The following USP8 variants were observed in gnomAD, a reference collection of about 807,000 sequenced individuals.
USP8 encodes the protein ubiquitin specific peptidase 8, also known as ubiquitin carboxyl-terminal hydrolase 8.
Under a neutral mutation model 130.0 loss-of-function variants are expected in USP8, and 27 were observed. The ratio of observed to expected loss-of-function variants is 0.21; its 90% CI spans 0.15 to 0.29. USP8 has a LOEUF of 0.29. Ranked by LOEUF, USP8 falls within the 10% of genes least tolerant of loss-of-function variation. The probability of loss-of-function intolerance (pLI) is 1.00; values close to 1 mark genes in which losing one functional copy is unlikely to be tolerated. For missense variants in USP8, 1,029 were observed against 1,312.2 expected (o/e 0.78, Z 3.33); for synonymous variants, 392 against 444.1 (o/e 0.88, Z 1.48).
rs921652925 is a variant in USP8 at position 50,501,931 on chromosome 15, A to G, written c.*2843A>G. ...AATGTCCTTAAAGTTTTATGGGAAC[A>G]CAGTCATGCTCATTTGTTTACACTT... On this transcript the variant is annotated 3_prime_UTR_variant, in exon 20 of 20. Transcript: ENST00000307179. 2.0e-5 allele frequency: 3 copies of G among 152,214 alleles called. No individual in the cohort carries two copies. Among genetic ancestry groups the G allele is most frequent in the African/African-American group, 7.2e-5 (3 of 41,460 alleles). 9.4% of individuals were successfully genotyped at this position (152,214 alleles called of 1,614,324 possible).
At chr15:50,455,606 T>C (rs1229535629) in intron 4 of USP8, among the ~76,000 whole-genome samples, 3 of 152,216 alleles carry the variant, frequency 2.0e-5, no homozygotes, top group Non-Finnish European at 4.4e-5. Context: ...CTAGTAACTT[T>C]GGACATTGTG....
chr15:50,491,502 C>T (rs986517434), intron 14 of USP8, among the ~76,000 whole-genome samples: 1 of 152,114 alleles, frequency 6.6e-6, no homozygotes, highest in Non-Finnish European at 1.5e-5. Context: ...GTTTTAAGGA[C>T]TGTATGCTGT....
chr15:50,481,136 T>C (rs908846449), intron 10 of USP8, among the ~76,000 whole-genome samples: 1 of 152,102 alleles, frequency 6.6e-6, no homozygotes, highest in Non-Finnish European at 1.5e-5. Context: ...AATGGAAATA[T>C]TGGGTAGGCA....
chr15:50,436,838 T>A (rs2050106228), intron 1 of USP8, among the ~76,000 whole-genome samples: 1 of 151,988 alleles, frequency 6.6e-6, no homozygotes, highest in South Asian at 2.1e-4. Flanking sequence ...CCTGGCTAAT[T>A]TTTGTATTTT....
rs746090450 is a variant in USP8 at position 50,471,694 on chromosome 15, A to C, written c.748A>C (p.Arg250=). Residue 250 remains arginine, a synonymous_variant, in exon 8 of 20, where the codon AGG becomes CGG. Transcript: ENST00000307179. ...PDDSKDTWKK[R]GNVEYVVLLD... ...TGATTCTAAAGACACATGGAAGAAG[A>C]GGGGGAATGTGGAGTATGTGGTACT... The C allele has an allele frequency of 2.8e-5, 45 of 1,613,930 alleles. No individual in the cohort carries two copies. The highest frequency in any genetic ancestry group is 3.7e-5 in the Non-Finnish European group (44 of 1,179,998).
chr15:50,499,562 C>G lies in USP8; in HGVS notation c.*474C>G, dbSNP rs1057155090. 6.6e-6 allele frequency: 1 copy of G among 151,764 alleles called. No individual in the cohort carries two copies. The highest frequency in any genetic ancestry group is 2.4e-5 in the African/African-American group (1 of 41,250). 9.4% of individuals were successfully genotyped at this position (151,764 alleles called of 1,614,324 possible). A position where few individuals can be genotyped will look rare whatever the true frequency, so the allele number is the denominator to read the frequency against. On this transcript the variant is annotated 3_prime_UTR_variant, in exon 20 of 20. Coordinates refer to ENST00000307179, the MANE Select transcript of USP8 (RefSeq NM_005154.5). ...TTTAACACGTGGTCCTTTTGTGAAACCTAGAACTCAGAGGATTGCTTTTTT... is the reference window on the plus strand; with the variant it reads ...TTTAACACGTGGTCCTTTTGTGAAAGCTAGAACTCAGAGGATTGCTTTTTT...
rs1463511056 is a variant in USP8, at chr15:50,505,635, T to C, written c.*6547T>C. ...ACCCAATATGAACAGTAGAAAACCA[T>C]GATAATGTCTCCTTTGGAGGCATAT... On this transcript the variant is annotated 3_prime_UTR_variant, in exon 20 of 20. Coordinates refer to ENST00000307179, the MANE Select transcript of USP8 (RefSeq NM_005154.5). The C allele has an allele frequency of 6.6e-6, 1 of 152,128 alleles. No individual in the cohort carries two copies. Among genetic ancestry groups the C allele is most frequent in the Non-Finnish European group, 1.5e-5 (1 of 68,048 alleles). The allele number at this position is 152,128 out of a possible 1,614,324, so 9.4% of individuals were successfully genotyped here.
At chr15:50,462,987 C>G (rs1361247343) in intron 6 of USP8, among the ~76,000 whole-genome samples, 2 of 152,088 alleles carry the variant, frequency 1.3e-5, no homozygotes, top group Non-Finnish European at 2.9e-5. Context: ...GTGGCTCATT[C>G]CTGTAATCCC....
At chr15:50,478,945 C>G (rs903199858) in intron 10 of USP8, among the ~76,000 whole-genome samples, 1 of 152,024 alleles carries the variant, frequency 6.6e-6, no homozygotes, top group Non-Finnish European at 1.5e-5. Flanking sequence ...GTCCCAGCTA[C>G]TCAGGAGGCT....
At chr15:50,460,936 C>T (rs950945615) in intron 5 of USP8, among the ~76,000 whole-genome samples, 1 of 151,762 alleles carries the variant, frequency 6.6e-6, no homozygotes, top group African/African-American at 2.4e-5. Context: ...GTGGGCAGGT[C>T]ATTTGAGTCC....
chr15:50,427,561 T>A (rs1472877717), intron 1 of USP8, among the ~76,000 whole-genome samples: 1 of 108,670 alleles, frequency 9.2e-6, no homozygotes, highest in Non-Finnish European at 2.2e-5. Context: ...CGTACTAATT[T>A]TTTTTTTTTT....
chr15:50,456,324 C>T (rs762349074), intron 4 of USP8, among the ~76,000 whole-genome samples: 16 of 152,284 alleles, frequency 1.1e-4, no homozygotes, highest in Middle Eastern at 6.8e-3. Flanking sequence ...GTAATCCCAG[C>T]ACTTTGGGAG....
At position 50,511,480 on chromosome 15, in the gene USP8, T is replaced by C. The variant is rs1184666010; in HGVS notation, c.*12392T>C. 6.6e-6 allele frequency: 1 copy of C among 152,194 alleles called. No homozygotes were observed. The highest frequency in any genetic ancestry group is 2.4e-5 in the African/African-American group (1 of 41,438). 9.4% of individuals were successfully genotyped at this position (152,194 alleles called of 1,614,324 possible). On this transcript the variant is annotated 3_prime_UTR_variant, in exon 20 of 20. Transcript: ENST00000307179. Reference sequence around the variant, plus strand: ...AGAAAATCCTGTACATAAATGTTCATAGCAGCATTACTGATGACAGCCAAA... The same window carrying C: ...AGAAAATCCTGTACATAAATGTTCACAGCAGCATTACTGATGACAGCCAAA...
rs1052570712 is a variant in USP8 at position 50,439,443 on chromosome 15, T to TA, written c.104+275dup. ...TAAGAGGCAAAGATTATGAGGCTTC[T>TA]AAAAAAAAATTCAGCCAGAAGTCAT... is the stretch of plus-strand genomic sequence containing the variant. On this transcript the variant is annotated intron_variant, in intron 2 of 19. Transcript: ENST00000307179. Among the ~76,000 whole-genome samples the TA allele has an allele frequency of 1.8e-3, 276 of 151,384 alleles. 1 individual carries two copies. The highest frequency in any genetic ancestry group is 6.3e-3 in the African/African-American group (259 of 41,332).
rs972336793 is a variant in USP8, at chr15:50,431,129, G to A, written c.-66+6615G>A. On this transcript the variant is annotated intron_variant, in intron 1 of 19. Coordinates refer to ENST00000307179, the MANE Select transcript of USP8 (RefSeq NM_005154.5). ...TACTTTTTTTGTTAATAGCACTACTGCTCTTCATATTTTGCAGGGTACAGT... is the reference window on the plus strand; with the variant it reads ...TACTTTTTTTGTTAATAGCACTACTACTCTTCATATTTTGCAGGGTACAGT... Among the ~76,000 whole-genome samples, 4 of 147,130 alleles carry A rather than the reference G, an allele frequency of 2.7e-5. No individual in the cohort carries two copies. In the East Asian group the frequency reaches 7.9e-4, roughly 29 times the overall value.
At position 50,461,541 on chromosome 15, in the gene USP8, T is replaced by A. The variant is rs145196628; in HGVS notation, c.499-739T>A. Among the ~76,000 whole-genome samples, 11 of 151,232 alleles carry A rather than the reference T, an allele frequency of 7.3e-5. No individual in the cohort carries two copies. In the East Asian group the frequency reaches 2.0e-3, roughly 27 times the overall value. ...GTTAGTACCATACAGGATTATCCCA[T>A]GTTGTCTTGGTTAAAAAATGTAAAC... On this transcript the variant is annotated intron_variant, in intron 5 of 19. Transcript: ENST00000307179.
In USP8 at chr15:50,481,812, A is replaced by C. The variant is rs772273196; in HGVS notation, c.1550A>C (p.Lys517Thr). ...GCTGAAGAAAATGAAATTACAGAGA[A>C]GCAACAAAAAGCAAAAGAAGAAATG... The part of the protein sequence containing the change: ...QEAEENEITE[K>T]QQKAKEEMEK... The change falls in exon 11 of 20, where the codon AAG (lysine) becomes ACG (threonine). Residue 517 changes from lysine to threonine, a missense_variant. Around this residue, in one of 4 missense-constraint regions of USP8, gnomAD observed 486 missense variants for 522.0 expected, o/e 0.93. Transcript: ENST00000307179. 2.6e-6 allele frequency: 4 copies of C among 1,527,420 alleles called. No homozygotes were observed. Among genetic ancestry groups the C allele is most frequent in the Non-Finnish European group, 3.5e-6 (4 of 1,143,336 alleles). The allele number at this position is 1,527,420 out of a possible 1,614,324, so 94.6% of individuals were successfully genotyped here.
chr15:50,454,995 C>G (rs1042118193), intron 4 of USP8, among the ~76,000 whole-genome samples: 1 of 143,130 alleles, frequency 7.0e-6, no homozygotes, highest in Non-Finnish European at 1.6e-5. Context: ...GGATGGTTCT[C>G]CCTTCAAATA....
rs111422480 is a variant in USP8, at chr15:50,437,989, A to G, written c.-65-1020A>G. Among the ~76,000 whole-genome samples the G allele has an allele frequency of 3.6e-3, 547 of 152,372 alleles. 5 individuals carry two copies. The highest frequency in any genetic ancestry group is 0.012 in the African/African-American group (518 of 41,584). On this transcript the variant is annotated intron_variant, in intron 1 of 19. Coordinates refer to ENST00000307179, the MANE Select transcript of USP8 (RefSeq NM_005154.5). ...TACCTGGAGCAAGTATAGATAGAAA[A>G]AAAGTGAAAATGATAAAAATGAAAT... is the stretch of plus-strand genomic sequence containing the variant.
Sources: gnomAD v4.1 joint callset for allele counts (sites outside exome capture counted in the v4.1 genomes callset) on GRCh38, gnomAD v4.1.1 for gene constraint, gnomAD v4.1.1 regional missense constraint, MANE v1.5 for transcripts, NCBI Gene and HGNC (gene_info 2026-07-23, HGNC 2026-07-21) for gene names.